The following STX2 variants were observed in gnomAD, a reference collection of about 807,000 sequenced individuals.
The protein encoded by STX2 is syntaxin 2.
Under a neutral mutation model 40.6 loss-of-function variants are expected in STX2, and 27 were observed. That is an observed-to-expected ratio of 0.66 (90% confidence interval 0.49 to 0.92). The LOEUF (loss-of-function observed/expected upper bound fraction) is 0.92. Ranked by LOEUF, STX2 falls within the 40% of genes least tolerant of loss-of-function variation. The pLI, the probability that STX2 is intolerant of heterozygous loss-of-function variation, is 0.00. For synonymous variants in STX2, 123 were observed against 119.1 expected (o/e 1.03, Z -0.22); for missense variants, 328 against 366.1 (o/e 0.90, Z 0.85).
At chr12:130,805,178 AG>A (rs746837095) in intron 6 of STX2, among the ~76,000 whole-genome samples, 24 of 152,378 alleles carry the variant, frequency 1.6e-4, no homozygotes, top group Non-Finnish European at 2.8e-4. Context: ...ATAGAAAAGC[AG>A]TCTAGTCGAC....
chr12:130,793,686 TG>T (rs1950944680), intron 10 of STX2, among the ~76,000 whole-genome samples: 1 of 152,162 alleles, frequency 6.6e-6, no homozygotes, highest in Non-Finnish European at 1.5e-5. Context: ...ACCGAATACC[TG>T]TAAGACTCCA....
intron 9 of STX2, among the ~76,000 whole-genome samples, chr12:130,797,498 G>A (rs752350783): frequency 3.3e-5 from 5 of 152,000 alleles, no homozygotes; most frequent in Admixed American, 6.6e-5. Flanking sequence ...GCCCGGGGGT[G>A]TGAGTGAGGG....
At chr12:130,792,486 G>A (rs1276330305) in intron 10 of STX2, among the ~76,000 whole-genome samples, 1 of 152,184 alleles carries the variant, frequency 6.6e-6, no homozygotes, top group Non-Finnish European at 1.5e-5. Flanking sequence ...TTTTCTGAAA[G>A]GAGGTGTCAC....
At chr12:130,820,874 A>G (rs1025366210) in intron 3 of STX2, among the ~76,000 whole-genome samples, 2 of 152,110 alleles carry the variant, frequency 1.3e-5, no homozygotes, top group African/African-American at 4.8e-5. Context: ...CGTTGTTAAC[A>G]TAGTAACTCC....
At chr12:130,813,567 G>T (rs556119830) in intron 3 of STX2, among the ~76,000 whole-genome samples, 1 of 152,300 alleles carries the variant, frequency 6.6e-6, no homozygotes, top group Non-Finnish European at 1.5e-5. Context: ...GACACTCAGG[G>T]CTGCAAGCAG....
Position 130,839,052 on chromosome 12 carries a change from C to A in STX2, c.30+18G>T. 1 of 1,335,114 alleles carries A rather than the reference C, an allele frequency of 7.5e-7. No homozygotes were observed. Among genetic ancestry groups the A allele is most frequent in the Non-Finnish European group, 9.6e-7 (1 of 1,039,410 alleles). The allele number at this position is 1,335,114 out of a possible 1,614,324, so 82.7% of individuals were successfully genotyped here. A position where few individuals can be genotyped will look rare whatever the true frequency, so the allele number is the denominator to read the frequency against. ...CGCCCCGGCCGGGCCTGAACCGCTACCCGCGGCTGCCGCTCACCGCCGTCA... is the reference window on the plus strand; with the variant it reads ...CGCCCCGGCCGGGCCTGAACCGCTAACCGCGGCTGCCGCTCACCGCCGTCA... On this transcript the variant is annotated intron_variant, in intron 1 of 10. Coordinates refer to ENST00000392373, the MANE Select transcript of STX2 (RefSeq NM_194356.4).
intron 1 of STX2, among the ~76,000 whole-genome samples, chr12:130,833,764 C>T (rs1952660355): frequency 6.6e-6 from 1 of 152,154 alleles, no homozygotes; most frequent in Non-Finnish European, 1.5e-5. Flanking sequence ...GGGTTTCTGT[C>T]CCTTTTAACC....
intron 1 of STX2, among the ~76,000 whole-genome samples, chr12:130,833,769 T>C (rs1952660464): frequency 6.6e-6 from 1 of 152,212 alleles, no homozygotes; most frequent in African/African-American, 2.4e-5. Flanking sequence ...TCTGTCCCTT[T>C]TAACCAAAAG....
In STX2 at chr12:130,798,530, T is replaced by C; in HGVS notation, c.781A>G (p.Arg261Gly). The C allele has an allele frequency of 6.3e-7, 1 of 1,593,684 alleles. No individual in the cohort carries two copies. Among genetic ancestry groups the C allele is most frequent in the South Asian group, 1.2e-5 (1 of 86,570 alleles). ...TTCTTCGAAGCCAAACTCACCCTTC[T>C]TGCCTTGCTCTGATATTTGATAGCT... ...KKAIKYQSKA[R>G]RKKWIIIAVS... Residue 261 changes from arginine to glycine, a missense_variant, in exon 9 of 11, where the codon AGA (arginine) becomes GGA (glycine). By Grantham distance (125) the Arg-to-Gly change is moderately radical. Transcript: ENST00000392373.
chr12:130,801,540 C>T, intron 6 of STX2, 52 bp from the exon 7 acceptor site: 1 of 1,484,578 alleles, frequency 6.7e-7, no homozygotes. Flanking sequence ...AATTTAAAAA[C>T]AAAGCCATTT....
chr12:130,793,395 C>A (rs79620468), intron 10 of STX2, among the ~76,000 whole-genome samples: 1 of 152,146 alleles, frequency 6.6e-6, no homozygotes, highest in African/African-American at 2.4e-5. Flanking sequence ...GAGGGAGGCG[C>A]GCGCCCTCCC....
At chr12:130,818,212 A>G (rs1951959630) in intron 3 of STX2, among the ~76,000 whole-genome samples, 1 of 123,816 alleles carries the variant, frequency 8.1e-6, no homozygotes, top group Non-Finnish European at 1.7e-5. Flanking sequence ...ATATATATAT[A>G]TATATAAAAT....
chr12:130,818,185 A>AATATATATATATAT lies in STX2; in HGVS notation c.205+3490_205+3503dup, dbSNP rs1168152790. Among the ~76,000 whole-genome samples, 66 of 70,504 alleles carry AATATATATATATAT rather than the reference A, an allele frequency of 9.4e-4. 3 individuals carry two copies. The highest frequency in any genetic ancestry group is 2.7e-3 in the African/African-American group (23 of 8,420). The allele number at this position is 70,504 out of a possible 152,430, so 46.3% of individuals were successfully genotyped here. ...GCTGTTTCTACAAAAAAAAAAAAAAAATATATATATATATATATATATATA... is the reference window on the plus strand; with the variant it reads ...GCTGTTTCTACAAAAAAAAAAAAAAAATATATATATATATATATATATATATATATATATATATA... On this transcript the variant is annotated intron_variant, in intron 3 of 10. Transcript: ENST00000392373.
chr12:130,818,185 A>AAAAAATATATAT, intron 3 of STX2, among the ~76,000 whole-genome samples: 46 of 70,528 alleles, frequency 6.5e-4, no homozygotes, highest in Non-Finnish European at 7.1e-4. Context: ...AAAAAAAAAA[A>AAAAAATATATAT]ATATATATAT....
In STX2 at chr12:130,791,224, T is replaced by C. The variant is rs1950866659; in HGVS notation, c.*799A>G. The stretch of plus-strand genomic sequence containing the variant: ...GGGAAAGGAAGCCTTAGACCTGAGA[T>C]CTAAAAGCTTCAGAACAGCCTGCCC... On this transcript the variant is annotated 3_prime_UTR_variant, in exon 11 of 11. Transcript: ENST00000392373. 1 of 152,070 alleles carries C rather than the reference T, an allele frequency of 6.6e-6. No homozygotes were observed. The highest frequency in any genetic ancestry group is 2.4e-5 in the African/African-American group (1 of 41,386). 9.4% of individuals were successfully genotyped at this position (152,070 alleles called of 1,614,324 possible). A position where few individuals can be genotyped will look rare whatever the true frequency, so the allele number is the denominator to read the frequency against.
At chr12:130,817,954 T>TGGG (rs1287762947) in intron 3 of STX2, among the ~76,000 whole-genome samples, 3 of 150,932 alleles carry the variant, frequency 2.0e-5, no homozygotes, top group African/African-American at 7.3e-5. Flanking sequence ...CAGCCTGTGG[T>TGGG]GGGGGCAGCT....
chr12:130,835,872 G>A (rs189628735), intron 1 of STX2, among the ~76,000 whole-genome samples: 1 of 151,496 alleles, frequency 6.6e-6, no homozygotes, highest in East Asian at 1.9e-4. Flanking sequence ...AACTACATCT[G>A]TCAGTACAGA....
intron 2 of STX2, among the ~76,000 whole-genome samples, chr12:130,826,257 GC>G (rs1243372813): frequency 6.6e-6 from 1 of 152,132 alleles, no homozygotes; most frequent in Non-Finnish European, 1.5e-5. Flanking sequence ...CCTGACCCCT[GC>G]CCCCACAGCC....
At chr12:130,806,000 C>G (rs184092376) in intron 6 of STX2, among the ~76,000 whole-genome samples, 5 of 152,194 alleles carry the variant, frequency 3.3e-5, no homozygotes, top group Non-Finnish European at 5.9e-5. Context: ...ACATGTAAAA[C>G]ACCCAGCAGA....
Sources: allele counts gnomAD v4.1 joint callset (sites outside exome capture counted in the v4.1 genomes callset), GRCh38; gene constraint gnomAD v4.1.1; transcripts MANE v1.5; gene names NCBI Gene and HGNC (gene_info 2026-07-23, HGNC 2026-07-21).